The following WWC2 variants were observed in gnomAD, a reference collection of about 807,000 sequenced individuals.
The protein encoded by WWC2 is WW and C2 domain containing 2.
In WWC2, 101 loss-of-function variants were observed where a neutral mutation model predicts 138.5. The ratio of observed to expected loss-of-function variants is 0.73; its 90% CI spans 0.62 to 0.86. WWC2 has a LOEUF of 0.86. WWC2 is among the 40% of genes least tolerant of loss of function. WWC2 has a pLI of 0.00. For missense variants in WWC2, 1,420 were observed against 1,419.4 expected, an observed-to-expected ratio of 1.00 and a Z score of -0.01; for synonymous variants, 558 against 538.4, an observed-to-expected ratio of 1.04 and a Z score of -0.50.
At chr4:183,105,241 TAGTC>T (rs771543430) in intron 1 of WWC2, among the ~76,000 whole-genome samples, 1 of 152,140 alleles carries the variant, frequency 6.6e-6, no homozygotes, top group Non-Finnish European at 1.5e-5. Context: ...TTCATCTACA[TAGTC>T]AGCCATTGTG....
intron 4 of WWC2, among the ~76,000 whole-genome samples, chr4:183,212,530 A>G (rs1036525351): frequency 6.6e-6 from 1 of 152,198 alleles, no homozygotes. Context: ...ATAAACTCCA[A>G]TACTCGAGCT....
At chr4:183,107,348 G>A (rs1446309731) in intron 1 of WWC2, among the ~76,000 whole-genome samples, 1 of 152,070 alleles carries the variant, frequency 6.6e-6, no homozygotes, top group Non-Finnish European at 1.5e-5. Flanking sequence ...TTTTAGTAGA[G>A]ACGGGGTTGG....
chr4:183,303,133 G>T (rs907036486), intron 21 of WWC2, among the ~76,000 whole-genome samples: 1 of 151,640 alleles, frequency 6.6e-6, no homozygotes, highest in South Asian at 2.1e-4. Context: ...GTATGTATTG[G>T]CAAGATTGAT....
intron 1 of WWC2, among the ~76,000 whole-genome samples, chr4:183,114,526 G>A (rs1466906240): frequency 1.3e-5 from 2 of 152,304 alleles, no homozygotes; most frequent in East Asian, 3.9e-4. Context: ...TACATAGGTA[G>A]TATTTGAAGT....
chr4:183,144,958 G>A lies in WWC2; in HGVS notation c.131+45336G>A, dbSNP rs574937708. ...GATTTGGTTTTGTTTAGCTGTCAAA[G>A]TCTGACAGAAATCACAACCTAAGGG... On this transcript the variant is annotated intron_variant, in intron 1 of 22. Coordinates refer to ENST00000403733, the MANE Select transcript of WWC2 (RefSeq NM_024949.6). Among the ~76,000 whole-genome samples, 131 of 152,342 alleles carry A rather than the reference G, an allele frequency of 8.6e-4. 2 individuals carry two copies. Among genetic ancestry groups the A allele is most frequent in the African/African-American group, 3.1e-3 (127 of 41,586 alleles).
intron 4 of WWC2, among the ~76,000 whole-genome samples, chr4:183,209,842 A>G (rs1266205152): frequency 6.6e-6 from 1 of 152,176 alleles, no homozygotes; most frequent in East Asian, 1.9e-4. Flanking sequence ...TCACCAAGTA[A>G]ATAAACTCAT....
At chr4:183,220,580 A>G (rs1468645604) in intron 4 of WWC2, among the ~76,000 whole-genome samples, 1 of 151,872 alleles carries the variant, frequency 6.6e-6, no homozygotes, top group Non-Finnish European at 1.5e-5. Context: ...CACGCCTGTA[A>G]TTCCAGCACT....
chr4:183,260,619 AG>A (rs2111356077), intron 10 of WWC2, among the ~76,000 whole-genome samples: 2 of 152,360 alleles, frequency 1.3e-5, no homozygotes, highest in South Asian at 4.1e-4. Context: ...TGGGAGCAAT[AG>A]GCTATACCAC....
intron 21 of WWC2, among the ~76,000 whole-genome samples, chr4:183,311,625 G>A (rs943976649): frequency 4.7e-5 from 7 of 147,830 alleles, no homozygotes; most frequent in African/African-American, 1.7e-4. Flanking sequence ...TGTCGCCCAG[G>A]CTGGTGTTCA....
chr4:183,248,011 C>T (rs1005577814), intron 6 of WWC2, among the ~76,000 whole-genome samples: 1 of 151,676 alleles, frequency 6.6e-6, no homozygotes, highest in African/African-American at 2.4e-5. Flanking sequence ...TTAGTCTTTC[C>T]TTTTCAATAC....
chr4:183,191,055 G>A (rs1734976319), intron 1 of WWC2, among the ~76,000 whole-genome samples: 1 of 151,922 alleles, frequency 6.6e-6, no homozygotes, highest in South Asian at 2.1e-4. Context: ...GTTAATGAAA[G>A]AGAATCATCA....
intron 1 of WWC2, among the ~76,000 whole-genome samples, chr4:183,103,925 C>G (rs899403675): frequency 6.6e-6 from 1 of 152,146 alleles, no homozygotes; most frequent in Non-Finnish European, 1.5e-5. Flanking sequence ...TGAGCCACCA[C>G]GCCCGGCCTG....
intron 8 of WWC2, among the ~76,000 whole-genome samples, 196 bp from the exon 9 acceptor site, chr4:183,253,561 A>T (rs73870402): frequency 0.029 from 4,397 of 152,230 alleles, 204 homozygotes; most frequent in African/African-American, 0.1. Flanking sequence ...AGCTGAGTGC[A>T]GAGACAGGCC....
chr4:183,294,148 A>G lies in WWC2; in HGVS notation c.3384+4513A>G, dbSNP rs531371788. Among the ~76,000 whole-genome samples, 4 of 152,288 alleles carry G rather than the reference A, an allele frequency of 2.6e-5. No individual in the cohort carries two copies. The South Asian group carries it at 8.3e-4, about 32-fold the overall frequency. ...TAAATGATGTATTTGCATTCCAATA[A>G]AACTTTATTTACAAAAACAGGGCAG... On this transcript the variant is annotated intron_variant, in intron 21 of 22. Transcript: ENST00000403733.
At chr4:183,182,695 A>G (rs540025942) in intron 1 of WWC2, among the ~76,000 whole-genome samples, 2 of 152,318 alleles carry the variant, frequency 1.3e-5, no homozygotes, top group Non-Finnish European at 2.9e-5. Flanking sequence ...GATATTCATT[A>G]TGATACAGAA....
chr4:183,105,351 C>G (rs978748076), intron 1 of WWC2, among the ~76,000 whole-genome samples: 1 of 152,174 alleles, frequency 6.6e-6, no homozygotes. Context: ...CCCACACTGC[C>G]GGGCCCTGCA....
rs558279732 is a variant in WWC2 at position 183,156,139 on chromosome 4, G to C, written c.132-37460G>C. Among the ~76,000 whole-genome samples, 4 of 151,970 alleles carry C rather than the reference G, an allele frequency of 2.6e-5. No homozygotes were observed. In the East Asian group the frequency reaches 7.8e-4, roughly 30 times the overall value. The stretch of plus-strand genomic sequence containing the variant: ...CATCCCAGGTTCAAGCTATTCTCCT[G>C]CCTCAGCCTCTTGAGTAGCTCGGAT... On this transcript the variant is annotated intron_variant, in intron 1 of 22. Coordinates refer to ENST00000403733, the MANE Select transcript of WWC2 (RefSeq NM_024949.6).
At chr4:183,247,861 T>C (rs1736850331) in intron 6 of WWC2, among the ~76,000 whole-genome samples, 1 of 146,514 alleles carries the variant, frequency 6.8e-6, no homozygotes, top group African/African-American at 2.5e-5. Context: ...TTCAGATCTC[T>C]GATATTTCTA....
chr4:183,099,632 G>A lies in WWC2; in HGVS notation c.131+10G>A. 1 of 1,325,462 alleles carries A rather than the reference G, an allele frequency of 7.5e-7. No homozygotes were observed. The allele number at this position is 1,325,462 out of a possible 1,614,324, so 82.1% of individuals were successfully genotyped here. On this transcript the variant is annotated intron_variant, in intron 1 of 22. Coordinates refer to ENST00000403733, the MANE Select transcript of WWC2 (RefSeq NM_024949.6). ...TCGACCCCCGGGACAGGTGGGCGCC[G>A]GCCGCGGGGGCGCGGGCCCGTTCGG...
Sources: gnomAD v4.1 joint callset for allele counts (sites outside exome capture counted in the v4.1 genomes callset) on GRCh38, gnomAD v4.1.1 for gene constraint, MANE v1.5 for transcripts, NCBI Gene and HGNC (gene_info 2026-07-23, HGNC 2026-07-21) for gene names.